The following TTBK2 variants were observed in gnomAD, a reference collection of about 807,000 sequenced individuals.
TTBK2 encodes the protein tau-tubulin kinase 2.
In TTBK2, 28 loss-of-function variants were observed where a neutral mutation model predicts 110.8. That is an observed-to-expected ratio of 0.25 (90% confidence interval 0.19 to 0.35). TTBK2 has a LOEUF of 0.35. Among genes scored for constraint, TTBK2 ranks in the 10% least tolerant of loss-of-function variants. TTBK2 has a pLI of 1.00. For missense variants in TTBK2, 1,369 were observed against 1,500.3 expected, an observed-to-expected ratio of 0.91 and a Z score of 1.45; for synonymous variants, 532 against 527.3, an observed-to-expected ratio of 1.01 and a Z score of -0.12.
intron 3 of TTBK2, among the ~76,000 whole-genome samples, chr15:42,863,230 C>A (rs1894230155): frequency 6.6e-6 from 1 of 152,058 alleles, no homozygotes; most frequent in Non-Finnish European, 1.5e-5. Context: ...GTATACAAAA[C>A]CAACGTACAA....
At chr15:42,765,196 G>C (rs1360580924) in intron 13 of TTBK2, among the ~76,000 whole-genome samples, 2 of 152,170 alleles carry the variant, frequency 1.3e-5, no homozygotes, top group Non-Finnish European at 2.9e-5. Context: ...CTAAAAACCA[G>C]AGCACCTCTT....
intron 6 of TTBK2, among the ~76,000 whole-genome samples, chr15:42,827,031 GC>G (rs981273444): frequency 5.9e-5 from 9 of 152,156 alleles, no homozygotes; most frequent in African/African-American, 2.2e-4. Context: ...AGGTATTTAT[GC>G]CCCCAAGATA....
intron 13 of TTBK2, among the ~76,000 whole-genome samples, chr15:42,763,193 T>TATATCTATATATA (rs1567009144): frequency 3.0e-4 from 1 of 3,374 alleles, no homozygotes; most frequent in Non-Finnish European, 5.3e-4. Context: ...TATATATATA[T>TATATCTATATATA]TTTTTTTTTT....
chr15:42,801,854 T>C, intron 9 of TTBK2: 5 of 959,156 alleles, frequency 5.2e-6, no homozygotes, highest in Non-Finnish European at 8.4e-6. Flanking sequence ...TCCATCTCTG[T>C]ACATTTACTG....
At chr15:42,864,099 G>C (rs1894267750) in intron 3 of TTBK2, among the ~76,000 whole-genome samples, 1 of 152,150 alleles carries the variant, frequency 6.6e-6, no homozygotes, top group African/African-American at 2.4e-5. Flanking sequence ...TTGAACTAAA[G>C]AACTTCCACA....
chr15:42,888,461 G>T (rs879423463), intron 1 of TTBK2, among the ~76,000 whole-genome samples: 1 of 151,682 alleles, frequency 6.6e-6, no homozygotes, highest in South Asian at 2.1e-4. Context: ...TTGGTTTATC[G>T]ATGGCAGTCC....
intron 3 of TTBK2, among the ~76,000 whole-genome samples, chr15:42,840,955 G>C (rs1893196362): frequency 6.6e-6 from 1 of 152,154 alleles, no homozygotes; most frequent in African/African-American, 2.4e-5. Context: ...GGGGCATAGA[G>C]GGGAGCAGGG....
intron 1 of TTBK2, among the ~76,000 whole-genome samples, chr15:42,908,740 C>G (rs918679404): frequency 1.3e-5 from 2 of 151,958 alleles, no homozygotes; most frequent in African/African-American, 4.8e-5. Context: ...TAATGCATAC[C>G]CTGTGACTCA....
intron 1 of TTBK2, among the ~76,000 whole-genome samples, chr15:42,914,280 C>T (rs772481073): frequency 1.3e-5 from 2 of 151,968 alleles, no homozygotes; most frequent in African/African-American, 2.4e-5. Context: ...CTGGCCTTAA[C>T]TTCCTTTTTC....
At chr15:42,850,615 C>G (rs1435833401) in intron 3 of TTBK2, among the ~76,000 whole-genome samples, 1 of 152,072 alleles carries the variant, frequency 6.6e-6, no homozygotes, top group Non-Finnish European at 1.5e-5. Context: ...TTATTTTAAA[C>G]TACTTGTATA....
chr15:42,765,220 T>C lies in TTBK2; in HGVS notation c.1998+9915A>G, dbSNP rs758091423. Among the ~76,000 whole-genome samples the C allele has an allele frequency of 2.0e-4, 30 of 152,316 alleles. 1 individual carries two copies. The South Asian group carries it at 3.5e-3, about 18-fold the overall frequency. On this transcript the variant is annotated intron_variant, in intron 13 of 14. Transcript: ENST00000267890. ...AGAGCACCTCTTCCCCTCCAAAGGA[T>C]TGCAGCTCCTCGCCATCAACGGAAC...
At chr15:42,798,136 G>A (rs1456576907) in intron 9 of TTBK2, 1 of 437,042 alleles carries the variant, frequency 2.3e-6, no homozygotes, top group Non-Finnish European at 4.6e-6. Flanking sequence ...CACCCACCTC[G>A]GCCTCCCTAA....
intron 9 of TTBK2, among the ~76,000 whole-genome samples, chr15:42,796,009 T>A (rs898810672): frequency 5.3e-5 from 8 of 152,178 alleles, no homozygotes; most frequent in African/African-American, 1.9e-4. Context: ...CATAGATTTC[T>A]GTCCTGAGCC....
intron 7 of TTBK2, among the ~76,000 whole-genome samples, chr15:42,815,958 A>AAAAAAAAATAT (rs71108183): frequency 2.2e-5 from 2 of 91,694 alleles, no homozygotes; most frequent in African/African-American, 6.2e-5. Flanking sequence ...TTAAAAAAAA[A>AAAAAAAAATAT]ATATATATAT....
chr15:42,776,579 G>A (rs1026139775), intron 12 of TTBK2, among the ~76,000 whole-genome samples: 1 of 152,174 alleles, frequency 6.6e-6, no homozygotes, highest in Non-Finnish European at 1.5e-5. Context: ...CTCCTAGAGG[G>A]TCTTCACTAA....
chr15:42,818,719 C>CA (rs1336967281), intron 6 of TTBK2, among the ~76,000 whole-genome samples: 3 of 151,578 alleles, frequency 2.0e-5, no homozygotes, highest in Admixed American at 6.6e-5. Context: ...GACTCCGTCT[C>CA]AAAAAACAAA....
intron 13 of TTBK2, among the ~76,000 whole-genome samples, chr15:42,770,146 AATG>A (rs1407155629): frequency 1.3e-5 from 2 of 152,018 alleles, no homozygotes; most frequent in Admixed American, 6.6e-5. Flanking sequence ...ACCTAATGTA[AATG>A]ATGAGTTGAT....
chr15:42,887,199 T>G (rs1034275011), intron 1 of TTBK2, among the ~76,000 whole-genome samples: 1 of 152,174 alleles, frequency 6.6e-6, no homozygotes, highest in African/African-American at 2.4e-5. Context: ...ATGCACTCCT[T>G]TTTGGTCATC....
intron 3 of TTBK2, among the ~76,000 whole-genome samples, chr15:42,853,642 G>C (rs1893809929): frequency 6.6e-6 from 1 of 152,180 alleles, no homozygotes; most frequent in Admixed American, 6.5e-5. Context: ...TGGAAAAGAA[G>C]GGCCAAACAA....
Sources: allele counts gnomAD v4.1 joint callset (sites outside exome capture counted in the v4.1 genomes callset), GRCh38; gene constraint gnomAD v4.1.1; transcripts MANE v1.5; gene names NCBI Gene and HGNC (gene_info 2026-07-23, HGNC 2026-07-21).